VEPH1: variants seen among roughly 807,000 people sequenced by gnomAD.
The protein encoded by VEPH1 is ventricular zone expressed PH domain containing 1.
Under a neutral mutation model 85.2 loss-of-function variants are expected in VEPH1, and 80 were observed. The observed-to-expected ratio is 0.94, with a 90% CI of 0.78 to 1.13. VEPH1 has a LOEUF of 1.13. Ranked by LOEUF, VEPH1 falls within the 50% of genes most tolerant of loss-of-function variation. VEPH1 has a pLI of 0.00. For missense variants in VEPH1, 955 were observed against 980.5 expected (o/e 0.97, Z 0.35); for synonymous variants, 297 against 348.0 (o/e 0.85, Z 1.63).
At chr3:157,423,268 T>A (rs540842926) in intron 5 of VEPH1, among the ~76,000 whole-genome samples, 2 of 152,230 alleles carry the variant, frequency 1.3e-5, no homozygotes. Context: ...TTGCTCTATG[T>A]GCAAAAGGGA....
chr3:157,427,216 C>T lies in VEPH1; in HGVS notation c.696+1106G>A, dbSNP rs374019309. Among the ~76,000 whole-genome samples, 110 of 152,032 alleles carry T rather than the reference C, an allele frequency of 7.2e-4. 2 individuals are homozygous for T. The South Asian group carries it at 0.022, about 31-fold the overall frequency. On this transcript the variant is annotated intron_variant, in intron 5 of 13. Transcript: ENST00000362010. ...TTGGTCCTGTTGGTTGAACTCCTGA[C>T]CTCGTGATCTGCCTGCCTCAGCCTC...
chr3:157,460,449 TA>T, intron 3 of VEPH1, 94 bp from the exon 4 acceptor site: 1 of 1,410,090 alleles, frequency 7.1e-7, no homozygotes, highest in Non-Finnish European at 9.5e-7. Flanking sequence ...TGGATTAAGC[TA>T]CCAGAGTACA....
intron 6 of VEPH1, among the ~76,000 whole-genome samples, chr3:157,409,044 G>A (rs1411836382): frequency 1.3e-5 from 2 of 152,042 alleles, no homozygotes; most frequent in African/African-American, 4.8e-5. Context: ...GACAGGTTTC[G>A]TTTATTATAT....
chr3:157,438,860 A>G (rs1033681549), intron 4 of VEPH1, among the ~76,000 whole-genome samples: 3 of 152,270 alleles, frequency 2.0e-5, no homozygotes, highest in Non-Finnish European at 2.9e-5. Flanking sequence ...TTTGGATTGT[A>G]TTAGAAAATC....
intron 9 of VEPH1, among the ~76,000 whole-genome samples, chr3:157,361,950 T>G (rs1726090599): frequency 6.6e-6 from 1 of 152,208 alleles, no homozygotes; most frequent in African/African-American, 2.4e-5. Context: ...TCCTTTTGCC[T>G]TACGTTCCAC....
intron 9 of VEPH1, among the ~76,000 whole-genome samples, chr3:157,332,558 C>T (rs1290276879): frequency 1.3e-5 from 2 of 152,190 alleles, no homozygotes; most frequent in African/African-American, 4.8e-5. Flanking sequence ...CATGTTGTAG[C>T]ATGCATCAGT....
At chr3:157,263,861 C>T (rs373436737) in intron 13 of VEPH1, among the ~76,000 whole-genome samples, 8 of 152,116 alleles carry the variant, frequency 5.3e-5, no homozygotes, top group African/African-American at 1.4e-4. Context: ...TGCATATGGC[C>T]GAGAATGAAT....
chr3:157,326,349 G>A (rs1236259947), intron 9 of VEPH1, among the ~76,000 whole-genome samples: 1 of 152,148 alleles, frequency 6.6e-6, no homozygotes, highest in Non-Finnish European at 1.5e-5. Context: ...AGTGATGGTG[G>A]GAATGGTGAT....
intron 1 of VEPH1, among the ~76,000 whole-genome samples, chr3:157,496,840 T>C (rs1326704210): frequency 1.3e-5 from 2 of 152,234 alleles, no homozygotes; most frequent in African/African-American, 4.8e-5. Flanking sequence ...TCATGAGTCA[T>C]AGGGATTTTA....
rs144103950 is a variant in VEPH1, at chr3:157,320,329, G to A, written c.1736-3128C>T. 4.5e-3 allele frequency among the ~76,000 whole-genome samples: 684 copies of A among 152,218 alleles called. 6 individuals are homozygous for A. The highest frequency in any genetic ancestry group is 7.1e-3 in the Non-Finnish European group (484 of 67,970). ...TCATTCTGACTGGGGAACAAGGGGAGGCTTCATGGAGAAGGAGATATTTGA... is the reference window on the plus strand; with the variant it reads ...TCATTCTGACTGGGGAACAAGGGGAAGCTTCATGGAGAAGGAGATATTTGA... On this transcript the variant is annotated intron_variant, in intron 9 of 13. Coordinates refer to ENST00000362010, the MANE Select transcript of VEPH1 (RefSeq NM_001167912.2).
chr3:157,331,675 C>T (rs187024072), intron 9 of VEPH1, among the ~76,000 whole-genome samples: 71 of 152,280 alleles, frequency 4.7e-4, no homozygotes, highest in Admixed American at 1.6e-3. Flanking sequence ...CTTCTTGCAG[C>T]TCTTTCATGG....
intron 1 of VEPH1, chr3:157,499,426 G>A (rs1272894986): frequency 6.6e-6 from 1 of 152,174 alleles, no homozygotes; most frequent in Non-Finnish European, 1.5e-5. Flanking sequence ...CGCCCTTGCA[G>A]TTACTCAGCT....
intron 4 of VEPH1, among the ~76,000 whole-genome samples, chr3:157,458,749 A>G (rs1735583269): frequency 6.6e-6 from 1 of 152,128 alleles, no homozygotes; most frequent in South Asian, 2.1e-4. Context: ...GGACTTTTAT[A>G]GTTTGAGGTC....
intron 2 of VEPH1, among the ~76,000 whole-genome samples, chr3:157,475,022 A>G (rs903079905): frequency 3.3e-5 from 5 of 151,690 alleles, no homozygotes; most frequent in Admixed American, 2.0e-4. Flanking sequence ...TCTCTCTGCC[A>G]CCCAGGTTGC....
intron 10 of VEPH1, chr3:157,315,722 T>A (rs1720676933): frequency 6.6e-6 from 1 of 151,702 alleles, no homozygotes; most frequent in African/African-American, 2.4e-5. Flanking sequence ...GTGATTTTGC[T>A]TAAAGAGAAA....
At chr3:157,491,325 G>C (rs1399159280) in intron 2 of VEPH1, among the ~76,000 whole-genome samples, 3 of 152,148 alleles carry the variant, frequency 2.0e-5, no homozygotes, top group African/African-American at 7.2e-5. Flanking sequence ...GGAAAGGTGG[G>C]AGAAGTGGAT....
At chr3:157,392,547 G>A (rs1183883019) in intron 6 of VEPH1, among the ~76,000 whole-genome samples, 1 of 152,032 alleles carries the variant, frequency 6.6e-6, no homozygotes. Flanking sequence ...GCTTCCCTGG[G>A]CCACATCGGA....
Position 157,363,635 on chromosome 3 carries a change from T to A in VEPH1, c.1464A>T (p.Gly488=), listed in dbSNP as rs771306098. The part of the protein sequence containing the change: ...SLSEIDPLGQ[G]NDKLPFKTDT... ...CTGTCTTAAACGGCAGCTTGTCATT[T>A]CCTTGGCCAAGTGGGTCTATTTCTG... The change falls in exon 9 of 14, where the codon GGA becomes GGT. Residue 488 remains glycine (G), a synonymous_variant. Transcript: ENST00000362010. 5.6e-6 allele frequency: 9 copies of A among 1,614,156 alleles called. No homozygotes were observed. The South Asian group carries it at 9.9e-5, about 18-fold the overall frequency.
At chr3:157,477,324 AC>A in intron 2 of VEPH1, among the ~76,000 whole-genome samples, 1 of 151,876 alleles carries the variant, frequency 6.6e-6, no homozygotes, top group Middle Eastern at 3.4e-3. Context: ...TCCACCTTTG[AC>A]CTTGTTTCCC....
Sources: gnomAD v4.1 joint callset for allele counts (sites outside exome capture counted in the v4.1 genomes callset) on GRCh38, gnomAD v4.1.1 for gene constraint, MANE v1.5 for transcripts, NCBI Gene and HGNC (gene_info 2026-07-23, HGNC 2026-07-21) for gene names.